Variants in NWD1 observed in about 807,000 individuals in gnomAD.
NWD1 encodes the protein NACHT and WD repeat domain containing 1.
NWD1 carries 129 observed loss-of-function variants against 135.1 expected under a neutral mutation model. That is an observed-to-expected ratio of 0.96 (90% CI 0.83 to 1.11). The LOEUF is 1.11. Ranked by LOEUF, NWD1 falls within the 50% of genes least tolerant of loss-of-function variation. The pLI is 0.00. For missense variants in NWD1, 1,740 were observed against 1,851.3 expected (o/e 0.94, Z 1.10); for synonymous variants, 773 against 786.0 (o/e 0.98, Z 0.28).
At chr19:16,777,033 G>A (rs1441030297) in intron 11 of NWD1, among the ~76,000 whole-genome samples, 1 of 95,906 alleles carries the variant, frequency 1.0e-5, no homozygotes, top group African/African-American at 4.2e-5. Context: ...TGGAGGGAAG[G>A]GAAAGGGAAC....
Position 16,779,367 on chromosome 19 carries a change from T to C in NWD1, c.2633T>C (p.Val878Ala). ...GGCATCACCGCCATGGCATGGGGTG[T>C]GGAGGAGAAGCTGCTGGTGATTGGC... is the stretch of plus-strand genomic sequence containing the variant. ...HKGITAMAWG[V>A]EEKLLVIGTQ... Residue 878 changes from valine (V) to alanine (A), a missense_variant, in exon 12 of 19, where the codon GTG becomes GCG. Coordinates refer to ENST00000524140, the MANE Select transcript of NWD1 (RefSeq NM_001007525.5). 6 of 1,613,772 alleles carry C rather than the reference T, an allele frequency of 3.7e-6. No homozygotes were observed. The highest frequency in any genetic ancestry group is 5.1e-6 in the Non-Finnish European group (6 of 1,179,910).
At chr19:16,761,939 G>A in intron 7 of NWD1, 40 bp from the exon 8 acceptor site, 1 of 1,560,038 alleles carries the variant, frequency 6.4e-7, no homozygotes, top group Non-Finnish European at 8.8e-7. Context: ...TGAGCTTGAT[G>A]GGTCACCCAG....
chr19:16,814,343 C>G (rs1393165925), intron 18 of NWD1, among the ~76,000 whole-genome samples: 1 of 152,124 alleles, frequency 6.6e-6, no homozygotes, highest in African/African-American at 2.4e-5. Flanking sequence ...TTTCAGTACG[C>G]CTTTGTCACT....
At chr19:16,770,230 A>T (rs760148607) in intron 10 of NWD1, among the ~76,000 whole-genome samples, 2 of 152,184 alleles carry the variant, frequency 1.3e-5, no homozygotes, top group South Asian at 4.1e-4. Flanking sequence ...GAGATAATCG[A>T]ATCATGGAGG....
intron 12 of NWD1, among the ~76,000 whole-genome samples, chr19:16,783,670 A>G (rs951067842): frequency 2.0e-5 from 3 of 149,622 alleles, no homozygotes; most frequent in Admixed American, 1.3e-4. Flanking sequence ...AATAAATAAA[A>G]TAAAAATAAA....
At chr19:16,802,964 A>AT (rs1404795629) in intron 17 of NWD1, among the ~76,000 whole-genome samples, 1 of 151,918 alleles carries the variant, frequency 6.6e-6, no homozygotes, top group African/African-American at 2.4e-5. Flanking sequence ...AAAAAAAAAA[A>AT]AGACATACCT....
chr19:16,762,208 T>TTCCC, intron 8 of NWD1, 70 bp downstream of exon 8: 1 of 1,439,850 alleles, frequency 6.9e-7, no homozygotes, highest in African/African-American at 1.4e-5. Flanking sequence ...ACCTCCTTCC[T>TTCCC]TCCCCTTTTT....
intron 8 of NWD1, 97 bp downstream of exon 8, chr19:16,762,235 C>A: frequency 9.2e-7 from 1 of 1,085,296 alleles, no homozygotes; most frequent in Non-Finnish European, 1.4e-6. Context: ...GAAATGTCCT[C>A]CCGACCTACT....
chr19:16,773,100 AC>A (rs1969471018), intron 10 of NWD1, 25 bp from the exon 11 acceptor site: 1 of 1,609,466 alleles, frequency 6.2e-7, no homozygotes, highest in African/African-American at 1.3e-5. Context: ...AATCCAGGCA[AC>A]TTAGTCTACA....
intron 11 of NWD1, among the ~76,000 whole-genome samples, chr19:16,774,826 A>G (rs1016362322): frequency 6.0e-5 from 9 of 150,448 alleles, no homozygotes; most frequent in Middle Eastern, 3.5e-3. Flanking sequence ...CATTTTCTTC[A>G]TCTGATCATC....
chr19:16,791,263 A>G, intron 13 of NWD1, 87 bp from the exon 14 acceptor site: 1 of 1,179,822 alleles, frequency 8.5e-7, no homozygotes, highest in Non-Finnish European at 1.2e-6. Context: ...TAAAGTATAC[A>G]AGAGAAGGCA....
Position 16,773,239 on chromosome 19 carries a change from G to A in NWD1, c.2524G>A (p.Ala842Thr), listed in dbSNP as rs780656197. 7.2e-5 allele frequency: 116 copies of A among 1,613,584 alleles called. No homozygotes were observed. The highest frequency in any genetic ancestry group is 6.6e-4 in the Middle Eastern group (4 of 6,084). ...GGCCCAGAGCTGGTTCCAGTTGTGC[G>A]CACACCCTGTGCTGGTGCCCCTCGG... ...QQAQSWFQLC[A>T]HPVLVPLGGF... is the part of the protein sequence containing the mutation. The change falls in exon 11 of 19, where the codon GCA becomes ACA. Residue 842 changes from alanine to threonine, a missense_variant. Physicochemically the swap from Ala to Thr is moderately conservative, Grantham distance 58. Transcript: ENST00000524140.
intron 12 of NWD1, among the ~76,000 whole-genome samples, chr19:16,783,106 A>G (rs1969917471): frequency 6.7e-6 from 1 of 149,552 alleles, no homozygotes; most frequent in Non-Finnish European, 1.5e-5. Context: ...ATCATAGTAC[A>G]CTACAATCTT....
intron 3 of NWD1, among the ~76,000 whole-genome samples, chr19:16,733,462 A>G (rs917933024): frequency 5.3e-5 from 8 of 150,928 alleles, no homozygotes; most frequent in Non-Finnish European, 1.2e-4. Flanking sequence ...TGGTGGTTGC[A>G]GTGAGCCGAG....
intron 2 of NWD1, among the ~76,000 whole-genome samples, chr19:16,728,180 G>T (rs1461241756): frequency 6.6e-6 from 1 of 152,072 alleles, no homozygotes; most frequent in Non-Finnish European, 1.5e-5. Flanking sequence ...TAACCAGGGT[G>T]GAGCATTTAA....
At chr19:16,761,845 A>G in intron 7 of NWD1, 134 bp from the exon 8 acceptor site, 1 of 607,196 alleles carries the variant, frequency 1.6e-6, no homozygotes, top group Non-Finnish European at 2.9e-6. Flanking sequence ...GATGTGATGT[A>G]TCAAATAGCA....
chr19:16,797,825 C>G lies in NWD1; in HGVS notation c.3398C>G (p.Thr1133Arg), dbSNP rs140641936. Reference sequence around the variant, plus strand: ...CTGGAACATGAAGACATGGTGGAGACGGCTGTTTTTGGTACTGAGAACAAC... The same window carrying G: ...CTGGAACATGAAGACATGGTGGAGAGGGCTGTTTTTGGTACTGAGAACAAC... ...MDLEHEDMVE[T>R]AVFGTENNLI... The change falls in exon 16 of 19, where the codon ACG becomes AGG. Residue 1133 changes from threonine to arginine, a missense_variant. By Grantham distance (71) the Thr-to-Arg change is moderately conservative. Transcript: ENST00000524140. 8.7e-5 allele frequency: 140 copies of G among 1,613,942 alleles called. 2 individuals carry two copies. The Middle Eastern group carries it at 1.5e-3, about 17-fold the overall frequency.
intron 10 of NWD1, among the ~76,000 whole-genome samples, chr19:16,772,809 G>A (rs1376893937): frequency 5.3e-5 from 8 of 151,762 alleles, no homozygotes; most frequent in Admixed American, 3.3e-4. Flanking sequence ...CACTCCAGCC[G>A]GGACAACAGA....
chr19:16,791,406 C>T lies in NWD1; in HGVS notation c.2997C>T (p.Ala999=). The T allele has an allele frequency of 1.2e-6, 2 of 1,613,982 alleles. No homozygotes were observed. Among genetic ancestry groups the T allele is most frequent in the South Asian group, 2.2e-5 (2 of 91,076 alleles). The change falls in exon 14 of 19, where the codon GCC becomes GCT. Residue 999 remains alanine (A), a synonymous_variant. Coordinates refer to ENST00000524140, the MANE Select transcript of NWD1 (RefSeq NM_001007525.5). ...CGGTATTCCATATCCTGGGAGATGCCTCTGATCCTTGGATGTGCATGGCCG... is the reference window on the plus strand; with the variant it reads ...CGGTATTCCATATCCTGGGAGATGCTTCTGATCCTTGGATGTGCATGGCCG... ...AEPVFHILGD[A]SDPWMCMAVL...
Sources: allele counts gnomAD v4.1 joint callset (sites outside exome capture counted in the v4.1 genomes callset), GRCh38; gene constraint gnomAD v4.1.1; transcripts MANE v1.5; gene names NCBI Gene and HGNC (gene_info 2026-07-23, HGNC 2026-07-21).